The following ALOX12 variants were observed in gnomAD, a reference collection of about 807,000 sequenced individuals.
The protein encoded by ALOX12 is arachidonate 12-lipoxygenase, 12S type, also known as polyunsaturated fatty acid lipoxygenase ALOX12.
ALOX12 carries 62 observed loss-of-function variants against 85.5 expected under a neutral mutation model. That is an observed-to-expected ratio of 0.73 (90% CI 0.59 to 0.90). The LOEUF (loss-of-function observed/expected upper bound fraction) is 0.90, where lower values mean the gene tolerates loss of function less well. Ranked by LOEUF, ALOX12 falls within the 40% of genes least tolerant of loss-of-function variation. The pLI, the probability that ALOX12 is intolerant of heterozygous loss-of-function variation, is 0.00. For synonymous variants in ALOX12, 299 were observed against 332.7 expected (o/e 0.90, Z 1.10); for missense variants, 751 against 856.5 (o/e 0.88, Z 1.54).
Position 6,998,747 on chromosome 17 carries a change from C to T in ALOX12, c.452C>T (p.Thr151Ile). 6.2e-7 allele frequency: 1 copy of T among 1,614,028 alleles called. No individual in the cohort carries two copies. Among genetic ancestry groups the T allele is most frequent in the Non-Finnish European group, 8.5e-7 (1 of 1,180,002 alleles). The change falls in exon 4 of 14, where the codon ACC becomes ATC. Residue 151 changes from threonine (T) to isoleucine (I), a missense_variant. Transcript: ENST00000251535. ...WATWKEGLPL[T>I]IAADRKDDLP... The stretch of plus-strand genomic sequence containing the variant: ...ACCTGGAAGGAAGGGTTACCCCTGA[C>T]CATCGCTGCAGACCGTAAGGATGAT...
intron 8 of ALOX12, among the ~76,000 whole-genome samples, chr17:7,003,360 G>A (rs1031455320): frequency 6.6e-6 from 1 of 152,172 alleles, no homozygotes; most frequent in East Asian, 1.9e-4. Context: ...CCATCGTGAG[G>A]TTATTAAAGG....
chr17:7,005,508 T>C (rs1416487393), intron 9 of ALOX12, among the ~76,000 whole-genome samples, 165 bp downstream of exon 9: 4 of 117,540 alleles, frequency 3.4e-5, no homozygotes, highest in African/African-American at 1.4e-4. Flanking sequence ...TGAGACAGAG[T>C]CTAGCTCTGT....
At chr17:7,004,439 T>A (rs1175255098) in intron 8 of ALOX12, among the ~76,000 whole-genome samples, 3 of 145,902 alleles carry the variant, frequency 2.1e-5, no homozygotes, top group Non-Finnish European at 4.5e-5. Flanking sequence ...TTAAATTAAA[T>A]TTTAATATTT....
At position 6,999,242 on chromosome 17, in the gene ALOX12, T is replaced by C. The variant is rs762252945; in HGVS notation, c.647-64T>C. 6.0e-5 allele frequency: 96 copies of C among 1,603,020 alleles called. No homozygotes were observed. The South Asian group carries it at 6.5e-4, about 11-fold the overall frequency. ...GGGTTATATACCTGAACCCCTGGGG[T>C]AGATTTTGGAGAAGGGATATGCAGG... On this transcript the variant is annotated intron_variant, in intron 5 of 13. Transcript: ENST00000251535.
intron 8 of ALOX12, among the ~76,000 whole-genome samples, chr17:7,002,869 GT>G (rs1407476969): frequency 6.6e-6 from 1 of 152,146 alleles, no homozygotes; most frequent in Admixed American, 6.6e-5. Context: ...GAGGTGTTTG[GT>G]TTTAGGTACA....
chr17:7,001,432 A>G (rs771374986), intron 7 of ALOX12, 170 bp from the exon 8 acceptor site: 61 of 685,522 alleles, frequency 8.9e-5, no homozygotes, highest in Non-Finnish European at 1.3e-4. Context: ...TCCACCTGAC[A>G]TCAGGGCACT....
chr17:6,999,367 C>T lies in ALOX12; in HGVS notation c.708C>T (p.Ala236=). 6.2e-7 allele frequency: 1 copy of T among 1,614,202 alleles called. No homozygotes were observed. The change falls in exon 6 of 14, where the codon GCC becomes GCT. Residue 236 remains alanine, a synonymous_variant. Transcript: ENST00000251535. The part of the protein sequence containing the change: ...ELFSYQFLNG[A]NPMLLRRSTS... Reference sequence around the variant, plus strand: ...TCAGCTACCAGTTCCTCAATGGTGCCAACCCCATGCTGTTGAGACGCTCGA... The same window carrying T: ...TCAGCTACCAGTTCCTCAATGGTGCTAACCCCATGCTGTTGAGACGCTCGA...
At position 7,000,497 on chromosome 17, in the gene ALOX12, C is replaced by T. The variant is rs1338866950; in HGVS notation, c.951+18C>T. On this transcript the variant is annotated intron_variant, in intron 7 of 13. Coordinates refer to ENST00000251535, the MANE Select transcript of ALOX12 (RefSeq NM_000697.3). The surrounding 1 kb of genome is among the most constrained non-coding windows in gnomAD (Gnocchi z 4.6). ...TCATCCAGGTAAGGGCCCCAGACCT[C>T]TCCCACAACGTTGCACTCTGTTCAC... 1 of 1,612,786 alleles carries T rather than the reference C, an allele frequency of 6.2e-7. No individual in the cohort carries two copies. The highest frequency in any genetic ancestry group is 8.5e-7 in the Non-Finnish European group (1 of 1,179,790).
At position 7,010,573 on chromosome 17, in the gene ALOX12, G is replaced by C. The variant is rs1257834130; in HGVS notation, c.*150G>C. ...CTACATTAGTATCCCACTAGCCCAG[G>C]GGAGCAGTAAACTTTCTCTGCAAAG... On this transcript the variant is annotated 3_prime_UTR_variant, in exon 14 of 14. Coordinates refer to ENST00000251535, the MANE Select transcript of ALOX12 (RefSeq NM_000697.3). 1 of 962,744 alleles carries C rather than the reference G, an allele frequency of 1.0e-6. No individual in the cohort carries two copies. Among genetic ancestry groups the C allele is most frequent in the Non-Finnish European group, 1.5e-6 (1 of 677,012 alleles). 59.6% of individuals were successfully genotyped at this position (962,744 alleles called of 1,614,324 possible). A position where few individuals can be genotyped will look rare whatever the true frequency, so the allele number is the denominator to read the frequency against.
chr17:7,005,405 G>C (rs1908986886), intron 9 of ALOX12, 62 bp downstream of exon 9: 1 of 1,406,900 alleles, frequency 7.1e-7, no homozygotes, highest in African/African-American at 1.4e-5. Context: ...CCACTTTCAG[G>C]ATCCAAGATC....
At chr17:7,008,831 T>A (rs1425435566) in intron 11 of ALOX12, among the ~76,000 whole-genome samples, 2 of 152,060 alleles carry the variant, frequency 1.3e-5, no homozygotes, top group African/African-American at 4.8e-5. Context: ...TGGGAGCCCC[T>A]CTCAGCTGTG....
chr17:7,010,467 G>A lies in ALOX12; in HGVS notation c.*44G>A. ...CTGCAAGATTTCACATCAGCTTTAG[G>A]ACTGACATTTCTATCTTGAATTTCA... On this transcript the variant is annotated 3_prime_UTR_variant, in exon 14 of 14. Coordinates refer to ENST00000251535, the MANE Select transcript of ALOX12 (RefSeq NM_000697.3). The A allele has an allele frequency of 6.3e-7, 1 of 1,579,502 alleles. No homozygotes were observed. Among genetic ancestry groups the A allele is most frequent in the Non-Finnish European group, 8.6e-7 (1 of 1,162,116 alleles).
intron 8 of ALOX12, among the ~76,000 whole-genome samples, chr17:7,004,878 C>G (rs189400280): frequency 6.6e-6 from 1 of 152,298 alleles, no homozygotes; most frequent in Admixed American, 6.5e-5. Context: ...ATGAAGCAGA[C>G]AGCTACTATT....
Position 7,006,615 on chromosome 17 carries a change from C to G in ALOX12, c.1540+8C>G. 1 of 1,588,808 alleles carries G rather than the reference C, an allele frequency of 6.3e-7. No homozygotes were observed. ...GCCAGGCCCAGGACCGAGGTAAGAT[C>G]CATTCTAGAGACAGAAGAAGCTCCT... On this transcript the variant is annotated splice_region_variant and intron_variant, in intron 11 of 13. Transcript: ENST00000251535.
chr17:7,005,482 T>TTA, intron 9 of ALOX12, 139 bp downstream of exon 9: 1 of 689,010 alleles, frequency 1.5e-6, no homozygotes, highest in Non-Finnish European at 2.3e-6. Flanking sequence ...GTCTTTTTTT[T>TTA]TTTTTTTTTT....
intron 9 of ALOX12, 131 bp downstream of exon 9, chr17:7,005,474 CTTTTTTT>C (rs35201122): frequency 2.4e-4 from 53 of 223,280 alleles, no homozygotes; most frequent in East Asian, 7.5e-4. Flanking sequence ...ATACCCATGT[CTTTTTTT>C]TTTTTTTTTT....
chr17:6,999,900 G>A (rs1369746758), intron 6 of ALOX12, among the ~76,000 whole-genome samples: 1 of 152,176 alleles, frequency 6.6e-6, no homozygotes, highest in Admixed American at 6.5e-5. Context: ...TGCTGTATGC[G>A]GTGGCAGGGG....
Position 7,010,495 on chromosome 17 carries a change from C to T in ALOX12, c.*72C>T, listed in dbSNP as rs1182876166. ...TGACATTTCTATCTTGAATTTCATGCTTTCCTAAAGTCTCTGCTGCTAAGG... is the reference window on the plus strand; with the variant it reads ...TGACATTTCTATCTTGAATTTCATGTTTTCCTAAAGTCTCTGCTGCTAAGG... On this transcript the variant is annotated 3_prime_UTR_variant, in exon 14 of 14. Coordinates refer to ENST00000251535, the MANE Select transcript of ALOX12 (RefSeq NM_000697.3). 8 of 1,537,048 alleles carry T rather than the reference C, an allele frequency of 5.2e-6. No homozygotes were observed. In the African/African-American group the frequency reaches 1.1e-4, roughly 21 times the overall value.
chr17:7,006,432 T>C, intron 10 of ALOX12, 54 bp from the exon 11 acceptor site: 1 of 1,610,408 alleles, frequency 6.2e-7, no homozygotes, highest in Non-Finnish European at 8.5e-7. Context: ...GAAAGAGGAA[T>C]AGAGGTCAGA....
Sources: gnomAD v4.1 joint callset for allele counts (sites outside exome capture counted in the v4.1 genomes callset) on GRCh38, gnomAD v4.1.1 for gene constraint, Gnocchi (gnomAD v3.1) non-coding constraint, MANE v1.5 for transcripts, NCBI Gene and HGNC (gene_info 2026-07-23, HGNC 2026-07-21) for gene names.